Variants in CFAP77 observed in about 807,000 individuals in gnomAD.
CFAP77 encodes the protein cilia- and flagella-associated protein 77.
CFAP77 carries 25 observed loss-of-function variants against 31.1 expected under a neutral mutation model. That is an observed-to-expected ratio of 0.80 (90% CI 0.59 to 1.12). The LOEUF (loss-of-function observed/expected upper bound fraction) is 1.12, where lower values mean the gene tolerates loss of function less well. Ranked by LOEUF, CFAP77 falls within the 50% of genes most tolerant of loss-of-function variation. The probability of loss-of-function intolerance (pLI) is 0.00; values close to 1 mark genes in which losing one functional copy is unlikely to be tolerated. For synonymous variants in CFAP77, 151 were observed against 159.9 expected (o/e 0.94, Z 0.42); for missense variants, 377 against 397.3 (o/e 0.95, Z 0.44).
chr9:132,529,930 G>T (rs1852410497), intron 3 of CFAP77, among the ~76,000 whole-genome samples: 1 of 152,032 alleles, frequency 6.6e-6, no homozygotes, highest in Non-Finnish European at 1.5e-5. Context: ...GGGAGCTGTA[G>T]TTTCTGTGCA....
chr9:132,461,740 A>C (rs1435946047), intron 1 of CFAP77, among the ~76,000 whole-genome samples: 5 of 152,232 alleles, frequency 3.3e-5, no homozygotes, highest in Non-Finnish European at 7.3e-5. Flanking sequence ...ACCAATGGCC[A>C]TAACAAGGCA....
At chr9:132,479,224 A>G (rs1257217611) in intron 1 of CFAP77, among the ~76,000 whole-genome samples, 1 of 152,166 alleles carries the variant, frequency 6.6e-6, no homozygotes, top group African/African-American at 2.4e-5. Flanking sequence ...GGCATCTAAG[A>G]AGCCACCCAT....
chr9:132,443,502 C>T (rs903374455), intron 1 of CFAP77, among the ~76,000 whole-genome samples: 1 of 152,092 alleles, frequency 6.6e-6, no homozygotes, highest in Non-Finnish European at 1.5e-5. Flanking sequence ...ATCCGCCTGC[C>T]TCGGCTTCCC....
chr9:132,532,692 G>A (rs1306816955), intron 3 of CFAP77, among the ~76,000 whole-genome samples: 2 of 152,020 alleles, frequency 1.3e-5, no homozygotes, highest in African/African-American at 4.8e-5. Context: ...TCTTTTTTCT[G>A]TGAAATTAAG....
chr9:132,562,924 T>A lies in CFAP77; in HGVS notation c.733-9464T>A, dbSNP rs191438941. Among the ~76,000 whole-genome samples, 98 of 152,190 alleles carry A rather than the reference T, an allele frequency of 6.4e-4. 2 individuals are homozygous for A. Among genetic ancestry groups the A allele is most frequent in the Admixed American group, 6.3e-3 (97 of 15,286 alleles). Reference sequence around the variant, plus strand: ...CATGTTGGTCAGGATGGTCTCAAACTCCTGACCTCGTGATCTGCCTGCCTC... The same window carrying A: ...CATGTTGGTCAGGATGGTCTCAAACACCTGACCTCGTGATCTGCCTGCCTC... On this transcript the variant is annotated intron_variant, in intron 5 of 5. Transcript: ENST00000393216.
At chr9:132,476,737 G>A (rs1408901410) in intron 1 of CFAP77, among the ~76,000 whole-genome samples, 1 of 152,172 alleles carries the variant, frequency 6.6e-6, no homozygotes, top group African/African-American at 2.4e-5. Context: ...AGAGATTGGA[G>A]TGATACAGCC....
chr9:132,565,230 C>T lies in CFAP77; in HGVS notation c.733-7158C>T. Among the ~76,000 whole-genome samples, 1 of 151,892 alleles carries T rather than the reference C, an allele frequency of 6.6e-6. No homozygotes were observed. The highest frequency in any genetic ancestry group is 1.5e-5 in the Non-Finnish European group (1 of 67,938). On this transcript the variant is annotated intron_variant, in intron 5 of 5. Coordinates refer to ENST00000393216, the MANE Select transcript of CFAP77 (RefSeq NM_001282957.2). The surrounding 1 kb of genome is among the most constrained non-coding windows in gnomAD (Gnocchi z 4.1). ...CATTTCCTGGAATTCACCCCCATTC[C>T]TCCTTTGCCCCTTCCTTTGCCCCTG...
At chr9:132,551,563 C>G (rs562838025) in intron 5 of CFAP77, among the ~76,000 whole-genome samples, 1 of 151,910 alleles carries the variant, frequency 6.6e-6, no homozygotes, top group African/African-American at 2.4e-5. Flanking sequence ...CCCAAAGTGC[C>G]GGGATTACAG....
At chr9:132,506,426 G>A (rs934680392) in intron 3 of CFAP77, among the ~76,000 whole-genome samples, 2 of 152,088 alleles carry the variant, frequency 1.3e-5, no homozygotes, top group East Asian at 1.9e-4. Context: ...CGGCACTGTC[G>A]ATTATGATGA....
intron 3 of CFAP77, among the ~76,000 whole-genome samples, chr9:132,519,214 AGGTG>A (rs1852201781): frequency 1.1e-5 from 1 of 94,296 alleles, no homozygotes; most frequent in African/African-American, 4.1e-5. Context: ...GTGGGTGGGT[AGGTG>A]AGTGGGTGGA....
chr9:132,477,252 A>C (rs545416526), intron 1 of CFAP77, among the ~76,000 whole-genome samples: 1 of 152,308 alleles, frequency 6.6e-6, no homozygotes, highest in East Asian at 1.9e-4. Flanking sequence ...TAAACCCGGC[A>C]CAAGAGTAGA....
At chr9:132,541,203 C>T (rs956418006) in intron 4 of CFAP77, among the ~76,000 whole-genome samples, 5 of 152,292 alleles carry the variant, frequency 3.3e-5, no homozygotes, top group South Asian at 2.1e-4. Flanking sequence ...AAATTCGTGG[C>T]AACAGCTACC....
intron 1 of CFAP77, among the ~76,000 whole-genome samples, chr9:132,428,395 C>T (rs549502211): frequency 4.6e-5 from 7 of 152,068 alleles, no homozygotes; most frequent in Admixed American, 1.3e-4. Flanking sequence ...CTGAGGCAGG[C>T]GGGAGGTCAG....
intron 3 of CFAP77, among the ~76,000 whole-genome samples, chr9:132,536,938 C>T (rs907832528): frequency 5.3e-5 from 8 of 152,166 alleles, no homozygotes; most frequent in African/African-American, 1.7e-4. Flanking sequence ...ATACAAAATG[C>T]CTAGGGTAAG....
rs766183068 is a variant in CFAP77, at chr9:132,537,585, G to A, written c.525-16G>A. The stretch of plus-strand genomic sequence containing the variant: ...TTTCCGGGGCCTCAAGCTCTGTCTG[G>A]ACTTCTTCCCTCCAGGCCTTCCACA... On this transcript the variant is annotated splice_polypyrimidine_tract_variant and intron_variant, in intron 3 of 5. Transcript: ENST00000393216. 1 of 1,601,210 alleles carries A rather than the reference G, an allele frequency of 6.2e-7. No homozygotes were observed. The highest frequency in any genetic ancestry group is 1.1e-5 in the South Asian group (1 of 89,410).
At chr9:132,456,112 G>A (rs980749995) in intron 1 of CFAP77, among the ~76,000 whole-genome samples, 1 of 152,180 alleles carries the variant, frequency 6.6e-6, no homozygotes, top group Non-Finnish European at 1.5e-5. Flanking sequence ...TACTATCCTA[G>A]GCTCCGTTGA....
At chr9:132,558,393 T>C (rs1047125841) in intron 5 of CFAP77, among the ~76,000 whole-genome samples, 3 of 152,244 alleles carry the variant, frequency 2.0e-5, no homozygotes, top group Non-Finnish European at 4.4e-5. Flanking sequence ...TTGATGAATA[T>C]ATAAATTACT....
At chr9:132,540,198 G>A (rs1413566816) in intron 4 of CFAP77, among the ~76,000 whole-genome samples, 1 of 151,988 alleles carries the variant, frequency 6.6e-6, no homozygotes, top group Admixed American at 6.5e-5. Context: ...CCAAAGTTCT[G>A]GGACTACAGG....
At chr9:132,411,347 G>C (rs545090293) in intron 1 of CFAP77, among the ~76,000 whole-genome samples, 2 of 152,348 alleles carry the variant, frequency 1.3e-5, no homozygotes, top group African/African-American at 4.8e-5. Context: ...TTGTGTGACC[G>C]CCAGGCGCTG....
Sources: allele counts gnomAD v4.1 joint callset (sites outside exome capture counted in the v4.1 genomes callset), GRCh38; gene constraint gnomAD v4.1.1; non-coding constraint Gnocchi (gnomAD v3.1); transcripts MANE v1.5; gene names NCBI Gene and HGNC (gene_info 2026-07-23, HGNC 2026-07-21).